FHIT: variants seen among roughly 807,000 people sequenced by gnomAD.
The protein encoded by FHIT is fragile histidine triad diadenosine triphosphatase, also known as bis(5'-adenosyl)-triphosphatase.
FHIT carries 19 observed loss-of-function variants against 17.9 expected under a neutral mutation model. That is an observed-to-expected ratio of 1.06 (90% CI 0.74 to 1.56). The LOEUF (loss-of-function observed/expected upper bound fraction) is 1.56, where lower values mean the gene tolerates loss of function less well. FHIT is among the 40% of genes most tolerant of loss of function. The probability of loss-of-function intolerance (pLI) is 0.00; values close to 1 mark genes in which losing one functional copy is unlikely to be tolerated. For synonymous variants in FHIT, 81 were observed against 69.7 expected (o/e 1.16, Z -0.81); for missense variants, 248 against 189.2 (o/e 1.31, Z -1.82).
chr3:60,861,202 G>C (rs797033594), intron 3 of FHIT, among the ~76,000 whole-genome samples: 96 of 448 alleles, frequency 0.21, 33 homozygotes, highest in Non-Finnish European at 0.35. Flanking sequence ...TATCATATAT[G>C]ATATATATGA....
At chr3:60,238,447 C>A (rs377701755) in intron 5 of FHIT, among the ~76,000 whole-genome samples, 2,415 of 117,018 alleles carry the variant, frequency 0.021, no homozygotes, top group Non-Finnish European at 0.024. Context: ...CTGTACTAAG[C>A]AAAAAAAAAA....
intron 5 of FHIT, among the ~76,000 whole-genome samples, chr3:60,122,630 T>C (rs4234290): frequency 0.056 from 8,465 of 152,132 alleles, 1,010 homozygotes; most frequent in East Asian, 0.46. Context: ...GAAGGACAGA[T>C]AGACACTCAG....
chr3:60,221,743 A>C (rs1048328972), intron 5 of FHIT, among the ~76,000 whole-genome samples: 8 of 152,016 alleles, frequency 5.3e-5, no homozygotes, highest in African/African-American at 1.9e-4. Context: ...TACCCTTCCC[A>C]TAGATCTTTT....
At chr3:60,071,827 CCATGCTGTTCT>C (rs914319376) in intron 5 of FHIT, among the ~76,000 whole-genome samples, 1 of 152,110 alleles carries the variant, frequency 6.6e-6, no homozygotes, top group Non-Finnish European at 1.5e-5. Context: ...CAGTTCTTTC[CCATGCTGTTCT>C]CATGATAGTG....
At chr3:60,656,339 T>A (rs1352497735) in intron 4 of FHIT, among the ~76,000 whole-genome samples, 1 of 152,214 alleles carries the variant, frequency 6.6e-6, no homozygotes, top group Non-Finnish European at 1.5e-5. Context: ...GTTTTCTATA[T>A]AAGCTGCATA....
intron 8 of FHIT, among the ~76,000 whole-genome samples, chr3:59,895,451 G>C (rs1285930564): frequency 6.6e-6 from 1 of 152,174 alleles, no homozygotes; most frequent in Non-Finnish European, 1.5e-5. Context: ...ATTAAAGTCA[G>C]AAAGCAAGGT....
At chr3:60,402,328 C>T (rs1701693887) in intron 5 of FHIT, among the ~76,000 whole-genome samples, 1 of 152,140 alleles carries the variant, frequency 6.6e-6, no homozygotes, top group Admixed American at 6.5e-5. Context: ...AGAAGCCAAC[C>T]ATGAAGTAAA....
At chr3:60,370,662 A>G (rs1700289401) in intron 5 of FHIT, among the ~76,000 whole-genome samples, 1 of 152,078 alleles carries the variant, frequency 6.6e-6, no homozygotes, top group South Asian at 2.1e-4. Context: ...CTGATGCATC[A>G]CTAAGCCCCA....
At chr3:60,124,565 T>C (rs1039752996) in intron 5 of FHIT, among the ~76,000 whole-genome samples, 14 of 152,106 alleles carry the variant, frequency 9.2e-5, no homozygotes, top group Admixed American at 9.2e-4. Context: ...CTTCCCCTTG[T>C]TCTATACACT....
intron 3 of FHIT, among the ~76,000 whole-genome samples, chr3:60,953,785 A>T (rs1243563950): frequency 6.6e-6 from 1 of 152,224 alleles, no homozygotes; most frequent in Admixed American, 6.5e-5. Context: ...AAGAGCAATG[A>T]TGAAGTTAGA....
At chr3:61,004,958 A>G (rs2031342037) in intron 3 of FHIT, among the ~76,000 whole-genome samples, 1 of 152,212 alleles carries the variant, frequency 6.6e-6, no homozygotes, top group Non-Finnish European at 1.5e-5. Context: ...ACAATTCAAT[A>G]TAGCAATTAT....
chr3:60,403,248 C>T (rs962893459), intron 5 of FHIT, among the ~76,000 whole-genome samples: 15 of 152,194 alleles, frequency 9.9e-5, no homozygotes, highest in African/African-American at 3.6e-4. Context: ...GGTTTGTCTT[C>T]ATGCAGCTTC....
At chr3:60,489,927 T>C (rs1247746154) in intron 5 of FHIT, among the ~76,000 whole-genome samples, 1 of 152,138 alleles carries the variant, frequency 6.6e-6, no homozygotes, top group African/African-American at 2.4e-5. Context: ...TTACTCCAAG[T>C]TCTGTTATAA....
chr3:60,899,139 T>C (rs1268287653), intron 3 of FHIT, among the ~76,000 whole-genome samples: 12 of 152,156 alleles, frequency 7.9e-5, no homozygotes, highest in Admixed American at 7.9e-4. Flanking sequence ...CTTAGGAAAA[T>C]AATGCCATTC....
chr3:60,523,680 G>A (rs765526405), intron 5 of FHIT, among the ~76,000 whole-genome samples: 2 of 152,160 alleles, frequency 1.3e-5, no homozygotes, highest in African/African-American at 2.4e-5. Context: ...CTCATGAGCC[G>A]ACGAGTTATC....
At chr3:60,997,032 G>C (rs1463929491) in intron 3 of FHIT, among the ~76,000 whole-genome samples, 1 of 152,156 alleles carries the variant, frequency 6.6e-6, no homozygotes, top group Admixed American at 6.5e-5. Flanking sequence ...GCATTATTGA[G>C]TAAAACTAAC....
intron 8 of FHIT, among the ~76,000 whole-genome samples, chr3:59,887,388 C>T (rs1475435244): frequency 6.6e-6 from 1 of 152,120 alleles, no homozygotes; most frequent in Non-Finnish European, 1.5e-5. Flanking sequence ...CAGAACATTG[C>T]CCTTTTAAAC....
At chr3:60,377,365 G>T (rs1700607618) in intron 5 of FHIT, among the ~76,000 whole-genome samples, 1 of 151,204 alleles carries the variant, frequency 6.6e-6, no homozygotes. Flanking sequence ...CACCATATTG[G>T]CCAGGATGGT....
intron 5 of FHIT, among the ~76,000 whole-genome samples, chr3:60,136,807 A>T (rs1458834602): frequency 1.3e-5 from 2 of 152,154 alleles, no homozygotes; most frequent in Non-Finnish European, 2.9e-5. Flanking sequence ...CTGTGTCTCC[A>T]CAAAAGGAGT....
Sources: allele counts gnomAD v4.1 joint callset (sites outside exome capture counted in the v4.1 genomes callset), GRCh38; gene constraint gnomAD v4.1.1; transcripts MANE v1.5; gene names NCBI Gene and HGNC (gene_info 2026-07-23, HGNC 2026-07-21).